The following SGCG variants were observed in gnomAD, a reference collection of about 807,000 sequenced individuals.
The protein encoded by SGCG is gamma-sarcoglycan.
A neutral mutation model predicts 29.3 loss-of-function variants in SGCG; 26 were observed. The observed-to-expected ratio is 0.89, with a 90% CI of 0.65 to 1.23. SGCG has a LOEUF of 1.23. SGCG is among the 50% of genes most tolerant of loss of function. The pLI, the probability that SGCG is intolerant of heterozygous loss-of-function variation, is 0.00. For missense variants in SGCG, 353 were observed against 356.0 expected (o/e 0.99, Z 0.07); for synonymous variants, 145 against 129.7 (o/e 1.12, Z -0.80).
chr13:23,286,960 C>CTG (rs902842174), intron 5 of SGCG, among the ~76,000 whole-genome samples: 5 of 152,152 alleles, frequency 3.3e-5, no homozygotes, highest in Non-Finnish European at 2.9e-5. Context: ...GAAAGTAAAA[C>CTG]TGTGATAAGG....
intron 3 of SGCG, chr13:23,244,526 A>C (rs1879624945): frequency 1.3e-5 from 2 of 152,232 alleles, no homozygotes; most frequent in South Asian, 4.1e-4. Flanking sequence ...TCCTTGAAAA[A>C]GCAAAAGCAC....
intron 4 of SGCG, among the ~76,000 whole-genome samples, chr13:23,262,040 C>G (rs958650860): frequency 8.6e-5 from 13 of 151,832 alleles, no homozygotes; most frequent in Non-Finnish European, 4.4e-5. Flanking sequence ...TCAATACACA[C>G]CAGAATAGAA....
Position 23,319,112 on chromosome 13 carries a change from A to C in SGCG, c.579-1525A>C, listed in dbSNP as rs554866896. Among the ~76,000 whole-genome samples the C allele has an allele frequency of 3.3e-5, 5 of 152,322 alleles. No individual in the cohort carries two copies. The South Asian group carries it at 1.0e-3, about 32-fold the overall frequency. ...CAGGAGTTCGAGACCAGCCTGGCCAAGATGGTGAAATCCCGTCTCTACTAA... is the reference window on the plus strand; with the variant it reads ...CAGGAGTTCGAGACCAGCCTGGCCACGATGGTGAAATCCCGTCTCTACTAA... On this transcript the variant is annotated intron_variant, in intron 6 of 7. Transcript: ENST00000218867.
chr13:23,160,981 G>T, the SGCG span, among the ~76,000 whole-genome samples: 1 of 152,186 alleles, frequency 6.6e-6, no homozygotes, highest in Admixed American at 6.5e-5. Context: ...CGTGTGTGTG[G>T]TGTGAGAGAA....
In SGCG at chr13:23,299,408, A is replaced by ATGTG. The variant is rs35074931; in HGVS notation, c.578+3922_578+3923insGTGT. Among the ~76,000 whole-genome samples the ATGTG allele has an allele frequency of 1.7e-3, 24 of 13,944 alleles. No individual in the cohort carries two copies. In the South Asian group the frequency reaches 0.019, roughly 11 times the overall value. 9.1% of individuals were successfully genotyped at this position (13,944 alleles called of 152,430 possible). A position where few individuals can be genotyped will look rare whatever the true frequency, so the allele number is the denominator to read the frequency against. Reference sequence around the variant, plus strand: ...AAGATTCTGGAATATCTTAGTTGGCATATATATATATATATATATATATAT... The same window carrying ATGTG: ...AAGATTCTGGAATATCTTAGTTGGCATGTGTATATATATATATATATATATATAT... On this transcript the variant is annotated intron_variant, in intron 6 of 7. Coordinates refer to ENST00000218867, the MANE Select transcript of SGCG (RefSeq NM_000231.3).
chr13:23,263,227 T>G (rs1880513673), intron 4 of SGCG, among the ~76,000 whole-genome samples: 1 of 151,838 alleles, frequency 6.6e-6, no homozygotes, highest in African/African-American at 2.4e-5. Context: ...TTTAAAATCA[T>G]TAGCTATATT....
At chr13:23,280,547 T>G (rs1200771979) in intron 5 of SGCG, among the ~76,000 whole-genome samples, 1 of 152,194 alleles carries the variant, frequency 6.6e-6, no homozygotes, top group Non-Finnish European at 1.5e-5. Flanking sequence ...CACTAGCGCA[T>G]TTAATTAACG....
chr13:23,223,771 G>T (rs1230719502), intron 2 of SGCG, among the ~76,000 whole-genome samples: 4 of 152,046 alleles, frequency 2.6e-5, no homozygotes, highest in Non-Finnish European at 5.9e-5. Flanking sequence ...TTTGAGACCA[G>T]CCTGACCAAC....
chr13:23,223,134 G>A (rs1878738845), intron 2 of SGCG, among the ~76,000 whole-genome samples: 1 of 151,894 alleles, frequency 6.6e-6, no homozygotes, highest in African/African-American at 2.4e-5. Context: ...AAAAACTAGC[G>A]GGGTGTGGTG....
At chr13:23,218,325 A>C (rs568427699) in intron 2 of SGCG, among the ~76,000 whole-genome samples, 2 of 152,196 alleles carry the variant, frequency 1.3e-5, no homozygotes, top group Non-Finnish European at 2.9e-5. Context: ...GTTCTTTATA[A>C]AACTACAATA....
chr13:23,241,336 A>ATTG (rs766340545), intron 3 of SGCG, among the ~76,000 whole-genome samples: 17,305 of 152,004 alleles, frequency 0.11, 1,220 homozygotes, highest in East Asian at 0.38. Context: ...GGCTACCATG[A>ATTG]ACAAGTATTT....
chr13:23,190,311 T>C (rs1241936683), intron 1 of SGCG, among the ~76,000 whole-genome samples: 2 of 152,144 alleles, frequency 1.3e-5, no homozygotes, highest in African/African-American at 4.8e-5. Context: ...TCTCCAGAAC[T>C]TTGTCAAGAT....
chr13:23,299,442 A>ATTTTTT (rs1566037491), intron 6 of SGCG, among the ~76,000 whole-genome samples: 1 of 5,294 alleles, frequency 1.9e-4, no homozygotes, highest in African/African-American at 6.1e-4. Context: ...ATATATATAT[A>ATTTTTT]TATATATATA....
Position 23,261,489 on chromosome 13 carries a change from A to G in SGCG, c.385+10772A>G, listed in dbSNP as rs547112453. Among the ~76,000 whole-genome samples the G allele has an allele frequency of 6.0e-4, 92 of 152,224 alleles. No homozygotes were observed. In the South Asian group the frequency reaches 0.013, roughly 21 times the overall value. On this transcript the variant is annotated intron_variant, in intron 4 of 7. Transcript: ENST00000218867. The stretch of plus-strand genomic sequence containing the variant: ...AAACAAATTTAAAGAAATGAACAAA[A>G]TCTCTACAAAATATGGAATTATGTA...
intron 3 of SGCG, chr13:23,244,243 C>G (rs889771766): frequency 6.6e-6 from 1 of 152,118 alleles, no homozygotes; most frequent in African/African-American, 2.4e-5. Flanking sequence ...ATAAACAAAA[C>G]CGCCGTATCA....
chr13:23,299,838 A>G (rs923091025), intron 6 of SGCG, among the ~76,000 whole-genome samples: 4 of 152,176 alleles, frequency 2.6e-5, no homozygotes, highest in African/African-American at 7.2e-5. Flanking sequence ...GCATTCACAC[A>G]TGATGTAATT....
At chr13:23,247,671 C>T (rs1419255351) in intron 3 of SGCG, among the ~76,000 whole-genome samples, 1 of 151,848 alleles carries the variant, frequency 6.6e-6, no homozygotes. Flanking sequence ...ATCGGTCGGG[C>T]ATGGTGGCTC....
At chr13:23,211,345 CAG>C (rs1878202723) in intron 2 of SGCG, among the ~76,000 whole-genome samples, 1 of 152,150 alleles carries the variant, frequency 6.6e-6, no homozygotes, top group South Asian at 2.1e-4. Context: ...CAGAGAAGGG[CAG>C]AGTGTTTCTC....
At chr13:23,242,870 AAAAAC>A (rs1208072499) in intron 3 of SGCG, among the ~76,000 whole-genome samples, 2 of 152,112 alleles carry the variant, frequency 1.3e-5, no homozygotes, top group African/African-American at 4.8e-5. Flanking sequence ...TAAAAAGTCA[AAAAAC>A]AAAAACAAAA....
Sources: gnomAD v4.1 joint callset for allele counts (sites outside exome capture counted in the v4.1 genomes callset) on GRCh38, gnomAD v4.1.1 for gene constraint, MANE v1.5 for transcripts, NCBI Gene and HGNC (gene_info 2026-07-23, HGNC 2026-07-21) for gene names.